The following SUPT20H variants were observed in gnomAD, a reference collection of about 807,000 sequenced individuals.
SUPT20H encodes the protein SPT20 homolog, SAGA complex component.
Under a neutral mutation model 122.8 loss-of-function variants are expected in SUPT20H, and 82 were observed. The observed-to-expected ratio is 0.67, with a 90% CI of 0.56 to 0.80. The LOEUF is 0.80. Among genes scored for constraint, SUPT20H ranks in the 30% least tolerant of loss-of-function variants. The pLI is 0.00. For missense variants in SUPT20H, 831 were observed against 921.6 expected (o/e 0.90, Z 1.27); for synonymous variants, 291 against 313.0 (o/e 0.93, Z 0.74).
chr13:37,031,820 C>A lies in SUPT20H; in HGVS notation c.783G>T (p.Leu261=). Residue 261 remains leucine (L), a synonymous_variant, in exon 11 of 26, where the codon CTG becomes CTT. Coordinates refer to ENST00000350612, the MANE Select transcript of SUPT20H (RefSeq NM_001014286.3). ...TTTTTTGTAAGAAATCAAGTAACCT[C>A]AGCTGAGGAGGAGGTGGACAATGAG... ...DLSHCPPPPQ[L]RLLDFLQKRK... is the part of the protein sequence containing the mutation. The A allele has an allele frequency of 6.2e-7, 1 of 1,611,140 alleles. No homozygotes were observed. Among genetic ancestry groups the A allele is most frequent in the Admixed American group, 1.7e-5 (1 of 59,516 alleles).
At chr13:37,048,393 G>C (rs1245694202) in intron 3 of SUPT20H, among the ~76,000 whole-genome samples, 171 bp downstream of exon 3, 1 of 152,050 alleles carries the variant, frequency 6.6e-6, no homozygotes, top group Non-Finnish European at 1.5e-5. Context: ...CAAGTAACAG[G>C]TGATCCAAAT....
At chr13:37,058,881 C>T (rs865868909) in intron 1 of SUPT20H, among the ~76,000 whole-genome samples, 1 of 152,178 alleles carries the variant, frequency 6.6e-6, no homozygotes, top group Admixed American at 6.5e-5. Flanking sequence ...AACTTTATAA[C>T]ATGGTGATCA....
At chr13:37,054,160 T>C (rs1051265891) in intron 1 of SUPT20H, among the ~76,000 whole-genome samples, 1 of 152,128 alleles carries the variant, frequency 6.6e-6, no homozygotes, top group East Asian at 1.9e-4. Flanking sequence ...CAGGACCAGA[T>C]GGATTCACAG....
rs2062066630 is a variant in SUPT20H, at chr13:37,025,334, C to T, written c.1315G>A (p.Gly439Arg). ...ATGAAACACACATCTGTTTCTTTCCCTGGAGAAACCTGACTCAGACTGGCT... is the reference window on the plus strand; with the variant it reads ...ATGAAACACACATCTGTTTCTTTCCTTGGAGAAACCTGACTCAGACTGGCT... ...GSASLSQVSP[G>R]KETDQTETVS... The change falls in exon 17 of 26, where the codon GGG (glycine) becomes AGG (arginine). Residue 439 changes from glycine to arginine, a missense_variant. Coordinates refer to ENST00000350612, the MANE Select transcript of SUPT20H (RefSeq NM_001014286.3). 6.2e-7 allele frequency: 1 copy of T among 1,612,966 alleles called. No homozygotes were observed. The highest frequency in any genetic ancestry group is 8.5e-7 in the Non-Finnish European group (1 of 1,179,018).
At chr13:37,028,995 ATT>A (rs1376170968) in intron 13 of SUPT20H, among the ~76,000 whole-genome samples, 2 of 151,802 alleles carry the variant, frequency 1.3e-5, no homozygotes, top group Non-Finnish European at 2.9e-5. Context: ...TCTATTTATC[ATT>A]TGTCTGCTTT....
chr13:37,051,554 C>A lies in SUPT20H; in HGVS notation c.-64G>T. On this transcript the variant is annotated 5_prime_UTR_variant, in exon 2 of 26. Transcript: ENST00000350612. Reference sequence around the variant, plus strand: ...ATGTACGCTGATGAAGTGGGGTGAACACCATGCCTTTAACATCAATCTTAC... The same window carrying A: ...ATGTACGCTGATGAAGTGGGGTGAAAACCATGCCTTTAACATCAATCTTAC... 2.0e-6 allele frequency: 3 copies of A among 1,505,974 alleles called. No homozygotes were observed. Among genetic ancestry groups the A allele is most frequent in the Non-Finnish European group, 2.7e-6 (3 of 1,091,430 alleles). The allele number at this position is 1,505,974 out of a possible 1,614,324, so 93.3% of individuals were successfully genotyped here. A position where few individuals can be genotyped will look rare whatever the true frequency, so the allele number is the denominator to read the frequency against.
chr13:37,021,947 A>G, intron 20 of SUPT20H, 64 bp downstream of exon 20: 1 of 1,493,866 alleles, frequency 6.7e-7, no homozygotes, highest in East Asian at 2.3e-5. Flanking sequence ...ACACATTAAG[A>G]ATTTATTTAG....
In SUPT20H at chr13:37,022,046, A is replaced by T. The variant is rs200712423; in HGVS notation, c.1626T>A (p.Ala542=). 6.2e-7 allele frequency: 1 copy of T among 1,613,486 alleles called. No individual in the cohort carries two copies. The highest frequency in any genetic ancestry group is 8.5e-7 in the Non-Finnish European group (1 of 1,179,588). The change falls in exon 20 of 26, where the codon GCT becomes GCA. Residue 542 remains alanine, a synonymous_variant. Coordinates refer to ENST00000350612, the MANE Select transcript of SUPT20H (RefSeq NM_001014286.3). The surrounding 1 kb of genome is among the most constrained non-coding windows in gnomAD (Gnocchi z 4.5). ...CCACTACATTGATGAAGTTAAGTCCAGCAGAGTTTGCCATGACCTGGGTGG... is the reference window on the plus strand; with the variant it reads ...CCACTACATTGATGAAGTTAAGTCCTGCAGAGTTTGCCATGACCTGGGTGG... ...TTATQVMANS[A]GLNFINVVGS...
intron 7 of SUPT20H, among the ~76,000 whole-genome samples, 184 bp from the exon 8 acceptor site, chr13:37,040,876 T>C (rs1452839517): frequency 6.6e-6 from 1 of 152,236 alleles, no homozygotes; most frequent in East Asian, 1.9e-4. Context: ...AAGTATTTCA[T>C]GTTCATCACT....
intron 2 of SUPT20H, among the ~76,000 whole-genome samples, chr13:37,050,649 T>C (rs1221075208): frequency 1.3e-5 from 2 of 152,194 alleles, no homozygotes; most frequent in Non-Finnish European, 2.9e-5. Flanking sequence ...TCAAAGGGTC[T>C]AGTGAGACAT....
intron 12 of SUPT20H, among the ~76,000 whole-genome samples, chr13:37,030,719 T>C (rs1264738987): frequency 1.3e-5 from 2 of 152,164 alleles, no homozygotes; most frequent in African/African-American, 4.8e-5. Flanking sequence ...TGGGAAGTAC[T>C]CCAGCTTGTC....
At chr13:37,043,322 G>A (rs1249424028) in intron 7 of SUPT20H, among the ~76,000 whole-genome samples, 1 of 152,170 alleles carries the variant, frequency 6.6e-6, no homozygotes, top group Non-Finnish European at 1.5e-5. Flanking sequence ...TTTTTCCTCA[G>A]TAGAGTACAC....
chr13:37,044,209 TG>T, intron 6 of SUPT20H, 28 bp from the exon 7 acceptor site: 1 of 1,561,040 alleles, frequency 6.4e-7, no homozygotes, highest in South Asian at 1.2e-5. Context: ...AGTTTGAAAA[TG>T]ATCATGCTCA....
intron 12 of SUPT20H, among the ~76,000 whole-genome samples, chr13:37,031,237 C>CA (rs1211929512): frequency 6.6e-6 from 1 of 151,560 alleles, no homozygotes; most frequent in Non-Finnish European, 1.5e-5. Context: ...GAAATATTAT[C>CA]AAAAAAAGAG....
At chr13:37,041,722 C>G (rs919549145) in intron 7 of SUPT20H, among the ~76,000 whole-genome samples, 1 of 152,126 alleles carries the variant, frequency 6.6e-6, no homozygotes, top group South Asian at 2.1e-4. Flanking sequence ...TACTGAGCAA[C>G]TACAATGCCT....
rs2060520645 is a variant in SUPT20H, at chr13:37,016,466, T to C, written c.1992+779A>G. ...AAAAGTTAAAATGGTAAATTTTATG[T>C]GTACCTTAAAATTAATTTTTTTAAA... On this transcript the variant is annotated intron_variant, in intron 23 of 25. Transcript: ENST00000350612. 1.3e-5 allele frequency among the ~76,000 whole-genome samples: 2 copies of C among 151,936 alleles called. 1 individual carries two copies. The highest frequency in any genetic ancestry group is 4.1e-4 in the South Asian group (2 of 4,824).
Position 37,021,390 on chromosome 13 carries a change from T to C in SUPT20H, c.1816+58A>G, listed in dbSNP as rs1014510355. 2.7e-6 allele frequency: 4 copies of C among 1,467,284 alleles called. No individual in the cohort carries two copies. The South Asian group carries it at 4.3e-5, about 16-fold the overall frequency. 90.9% of individuals were successfully genotyped at this position (1,467,284 alleles called of 1,614,324 possible). A position where few individuals can be genotyped will look rare whatever the true frequency, so the allele number is the denominator to read the frequency against. ...TTTAGCATTACTCTTAAAATTACAT[T>C]TTTACTTTAGCATATACTTTAATTT... On this transcript the variant is annotated intron_variant, in intron 21 of 25. Coordinates refer to ENST00000350612, the MANE Select transcript of SUPT20H (RefSeq NM_001014286.3).
chr13:37,025,365 ACTGGAG>A lies in SUPT20H; in HGVS notation c.1278_1283del (p.Ser427_Ser428del). 6.2e-7 allele frequency: 1 copy of A among 1,614,042 alleles called. No individual in the cohort carries two copies. The highest frequency in any genetic ancestry group is 8.5e-7 in the Non-Finnish European group (1 of 1,179,902). The stretch of plus-strand genomic sequence containing the variant: ...AAACCTGACTCAGACTGGCTGAGCC[ACTGGAG>A]CTGTGTGACATCTTGACCGGACATT... On this transcript the variant is annotated inframe_deletion, in exon 17 of 26. Coordinates refer to ENST00000350612, the MANE Select transcript of SUPT20H (RefSeq NM_001014286.3).
intron 10 of SUPT20H, among the ~76,000 whole-genome samples, chr13:37,032,800 T>C (rs1313639750): frequency 6.6e-6 from 1 of 152,146 alleles, no homozygotes; most frequent in African/African-American, 2.4e-5. Flanking sequence ...AATGACTATT[T>C]GAAGGGACAT....
Sources: allele counts gnomAD v4.1 joint callset (sites outside exome capture counted in the v4.1 genomes callset), GRCh38; gene constraint gnomAD v4.1.1; non-coding constraint Gnocchi (gnomAD v3.1); transcripts MANE v1.5; gene names NCBI Gene and HGNC (gene_info 2026-07-23, HGNC 2026-07-21).